The following THSD4 variants were observed in gnomAD, a reference collection of about 807,000 sequenced individuals.
THSD4 encodes thrombospondin type-1 domain-containing protein 4.
A neutral mutation model predicts 119.0 loss-of-function variants in THSD4; 69 were observed. The observed-to-expected ratio is 0.58, with a 90% CI of 0.48 to 0.71. The LOEUF is 0.71. Among genes scored for constraint, THSD4 ranks in the 30% least tolerant of loss-of-function variants. The pLI is 0.00. For missense variants in THSD4, 1,393 were observed against 1,391.1 expected (o/e 1.00, Z -0.02); for synonymous variants, 524 against 540.4 (o/e 0.97, Z 0.42).
intron 6 of THSD4, among the ~76,000 whole-genome samples, chr15:71,365,522 C>T (rs1339922307): frequency 2.0e-5 from 3 of 152,040 alleles, no homozygotes; most frequent in East Asian, 3.9e-4. Context: ...AATCTGCTGA[C>T]GCTTTGTAAA....
chr15:71,575,216 T>C (rs2049427934), intron 7 of THSD4, among the ~76,000 whole-genome samples: 1 of 152,188 alleles, frequency 6.6e-6, no homozygotes, highest in Non-Finnish European at 1.5e-5. Context: ...AGCCAATGGA[T>C]TTCTCTCTTC....
intron 8 of THSD4, among the ~76,000 whole-genome samples, chr15:71,706,557 G>C (rs914738693): frequency 6.6e-6 from 1 of 152,174 alleles, no homozygotes; most frequent in Non-Finnish European, 1.5e-5. Context: ...GGTGGACAGT[G>C]GTGAGCATAG....
At chr15:71,608,832 G>A (rs980905157) in intron 7 of THSD4, among the ~76,000 whole-genome samples, 14 of 152,280 alleles carry the variant, frequency 9.2e-5, no homozygotes, top group Admixed American at 8.5e-4. Flanking sequence ...GTATTCTAAT[G>A]CAATGACTAT....
At chr15:71,499,898 G>GA (rs765949919) in intron 7 of THSD4, among the ~76,000 whole-genome samples, 6 of 152,128 alleles carry the variant, frequency 3.9e-5, no homozygotes, top group Non-Finnish European at 8.8e-5. Context: ...TTCATCTACA[G>GA]TTGGGTTCAC....
At position 71,256,411 on chromosome 15, in the gene THSD4, G is replaced by A. The variant is rs901414429; in HGVS notation, c.913-202G>A. Among the ~76,000 whole-genome samples the A allele has an allele frequency of 6.6e-5, 10 of 151,658 alleles. No homozygotes were observed. The South Asian group carries it at 1.9e-3, about 29-fold the overall frequency. On this transcript the variant is annotated intron_variant, in intron 5 of 17. Transcript: ENST00000261862. ...AATCACTTGAACCTGGGAGGTGGAGGTTGCAGTGAGCCGAGATTGGGCCAC... is the reference window on the plus strand; with the variant it reads ...AATCACTTGAACCTGGGAGGTGGAGATTGCAGTGAGCCGAGATTGGGCCAC...
chr15:71,421,759 A>C (rs1448207134), intron 7 of THSD4, among the ~76,000 whole-genome samples: 1 of 152,016 alleles, frequency 6.6e-6, no homozygotes, highest in Admixed American at 6.6e-5. Context: ...TAAACATTCT[A>C]CCCCATCTGT....
At chr15:71,650,429 G>T (rs150611898) in intron 7 of THSD4, among the ~76,000 whole-genome samples, 81 of 152,284 alleles carry the variant, frequency 5.3e-4, no homozygotes, top group African/African-American at 1.8e-3. Flanking sequence ...AAATGCCCCA[G>T]ACGATGCCTG....
Position 71,530,930 on chromosome 15 carries a change from A to G in THSD4, c.1152+119107A>G, listed in dbSNP as rs1426415651. Among the ~76,000 whole-genome samples the G allele has an allele frequency of 2.0e-5, 3 of 151,372 alleles. No homozygotes were observed. The East Asian group carries it at 5.8e-4, about 29-fold the overall frequency. On this transcript the variant is annotated intron_variant, in intron 7 of 17. Coordinates refer to ENST00000261862, the MANE Select transcript of THSD4 (RefSeq NM_024817.3). ...AAGTGAAGTACAGGGGCTTAGAGAGAAATTAAATGGGGGGCGGGGGCATTG... is the reference window on the plus strand; with the variant it reads ...AAGTGAAGTACAGGGGCTTAGAGAGGAATTAAATGGGGGGCGGGGGCATTG...
chr15:71,738,482 T>G (rs2053171261), intron 11 of THSD4, among the ~76,000 whole-genome samples: 1 of 152,148 alleles, frequency 6.6e-6, no homozygotes, highest in Non-Finnish European at 1.5e-5. Flanking sequence ...TCAGGTTTAA[T>G]GATTGGCTCA....
chr15:71,655,799 C>T (rs2051178724), intron 7 of THSD4, among the ~76,000 whole-genome samples: 1 of 152,302 alleles, frequency 6.6e-6, no homozygotes, highest in South Asian at 2.1e-4. Context: ...AGCACTAAGT[C>T]GTCCCTATCA....
chr15:71,667,838 C>T lies in THSD4; in HGVS notation c.1357+7104C>T, dbSNP rs542460780. 5.9e-5 allele frequency among the ~76,000 whole-genome samples: 9 copies of T among 152,298 alleles called. No individual in the cohort carries two copies. In the South Asian group the frequency reaches 1.7e-3, roughly 28 times the overall value. ...ACAAACTCCACACTTGATCCACTGCCTTCAAGTGTAAAGACTACTTGAAGG... is the reference window on the plus strand; with the variant it reads ...ACAAACTCCACACTTGATCCACTGCTTTCAAGTGTAAAGACTACTTGAAGG... On this transcript the variant is annotated intron_variant, in intron 8 of 17. Coordinates refer to ENST00000261862, the MANE Select transcript of THSD4 (RefSeq NM_024817.3).
chr15:71,104,481 G>A (rs775997477), intron 1 of THSD4, among the ~76,000 whole-genome samples: 1 of 152,182 alleles, frequency 6.6e-6, no homozygotes, highest in African/African-American at 2.4e-5. Context: ...TTAGTTCTCA[G>A]TCTCACAAGA....
At chr15:71,281,271 T>C (rs1175804504) in intron 6 of THSD4, among the ~76,000 whole-genome samples, 1 of 152,270 alleles carries the variant, frequency 6.6e-6, no homozygotes, top group Non-Finnish European at 1.5e-5. Context: ...TAACAATGCT[T>C]GTTAATTAAA....
At chr15:71,637,665 G>A (rs1228932794) in intron 7 of THSD4, among the ~76,000 whole-genome samples, 3 of 152,156 alleles carry the variant, frequency 2.0e-5, no homozygotes, top group African/African-American at 2.4e-5. Flanking sequence ...GTGGCAATGG[G>A]GAGTTGTTGT....
chr15:71,190,929 C>CTCGCG (rs2043666021), intron 3 of THSD4, among the ~76,000 whole-genome samples: 1 of 152,164 alleles, frequency 6.6e-6, no homozygotes, highest in African/African-American at 2.4e-5. Context: ...CAAATTTAGA[C>CTCGCG]TCGCGTCCCC....
chr15:71,622,984 G>T lies in THSD4; in HGVS notation c.1153-37546G>T, dbSNP rs563671837. ...GCCATGTTCCAAGGACAAGGAAGAGGAGTCTTTTCTGTTGCAGTGCTGGTT... is the reference window on the plus strand; with the variant it reads ...GCCATGTTCCAAGGACAAGGAAGAGTAGTCTTTTCTGTTGCAGTGCTGGTT... On this transcript the variant is annotated intron_variant, in intron 7 of 17. Coordinates refer to ENST00000261862, the MANE Select transcript of THSD4 (RefSeq NM_024817.3). Among the ~76,000 whole-genome samples the T allele has an allele frequency of 6.5e-4, 99 of 152,228 alleles. No individual in the cohort carries two copies. In the Middle Eastern group the frequency reaches 0.017, roughly 26 times the overall value.
At chr15:71,615,861 G>A (rs1247495964) in intron 7 of THSD4, among the ~76,000 whole-genome samples, 3 of 152,156 alleles carry the variant, frequency 2.0e-5, no homozygotes, top group Non-Finnish European at 4.4e-5. Flanking sequence ...GCACCCCAGG[G>A]AACGATGCCT....
chr15:71,608,877 G>A (rs939908868), intron 7 of THSD4, among the ~76,000 whole-genome samples: 4 of 152,192 alleles, frequency 2.6e-5, no homozygotes, highest in African/African-American at 9.7e-5. Context: ...AGTGGGGCCG[G>A]TGGATGATTT....
intron 8 of THSD4, among the ~76,000 whole-genome samples, chr15:71,696,443 G>T (rs1277671644): frequency 6.6e-6 from 1 of 152,080 alleles, no homozygotes; most frequent in Non-Finnish European, 1.5e-5. Flanking sequence ...ATTCCTGAGG[G>T]ATCCACCCCC....
Sources: allele counts gnomAD v4.1 joint callset (sites outside exome capture counted in the v4.1 genomes callset), GRCh38; gene constraint gnomAD v4.1.1; transcripts MANE v1.5; gene names NCBI Gene and HGNC (gene_info 2026-07-23, HGNC 2026-07-21).